Variants in UBE2D2 observed in about 807,000 individuals in gnomAD.
The protein encoded by UBE2D2 is ubiquitin-conjugating enzyme E2 D2.
Under a neutral mutation model 24.2 loss-of-function variants are expected in UBE2D2, and 2 were observed. The ratio of observed to expected loss-of-function variants is 0.08; its 90% CI spans 0.03 to 0.26. The LOEUF (loss-of-function observed/expected upper bound fraction) is 0.26. Among genes scored for constraint, UBE2D2 ranks in the 10% least tolerant of loss-of-function variants. The probability of loss-of-function intolerance (pLI) is 1.00; values close to 1 mark genes in which losing one functional copy is unlikely to be tolerated. For synonymous variants in UBE2D2, 58 were observed against 56.5 expected (o/e 1.03, Z -0.12); for missense variants, 44 against 177.6 (o/e 0.25, Z 4.28).
At chr5:139,613,929 G>T (rs1754374285) in intron 2 of UBE2D2, among the ~76,000 whole-genome samples, 1 of 152,132 alleles carries the variant, frequency 6.6e-6, no homozygotes. Context: ...AGGTGTGGTG[G>T]CACTTGCCTG....
chr5:139,544,196 G>T (rs1752795751), intron 1 of UBE2D2, among the ~76,000 whole-genome samples: 1 of 147,578 alleles, frequency 6.8e-6, no homozygotes. Context: ...TAGAGATGAG[G>T]TCTTGAGACG....
chr5:139,602,878 A>G (rs547042181), intron 2 of UBE2D2, among the ~76,000 whole-genome samples: 1 of 152,320 alleles, frequency 6.6e-6, no homozygotes, highest in African/African-American at 2.4e-5. Flanking sequence ...GTGAGTAACT[A>G]TAGTATTTGG....
chr5:139,536,224 G>A (rs1408979521), intron 1 of UBE2D2, among the ~76,000 whole-genome samples: 3 of 146,996 alleles, frequency 2.0e-5, no homozygotes, highest in South Asian at 4.4e-4. Context: ...CTCAGCCTCC[G>A]GAGTAGCTGG....
At chr5:139,571,075 T>A (rs1233209684) in intron 1 of UBE2D2, among the ~76,000 whole-genome samples, 1 of 152,132 alleles carries the variant, frequency 6.6e-6, no homozygotes, top group Non-Finnish European at 1.5e-5. Context: ...AAAATATAAA[T>A]CTTACGTGTG....
intron 1 of UBE2D2, among the ~76,000 whole-genome samples, chr5:139,554,177 G>T (rs1216646382): frequency 6.6e-6 from 1 of 151,986 alleles, no homozygotes; most frequent in Non-Finnish European, 1.5e-5. Context: ...TTCCTTGATC[G>T]CATTTTTTTT....
chr5:139,546,340 C>T (rs546437849), intron 1 of UBE2D2, among the ~76,000 whole-genome samples: 1 of 152,080 alleles, frequency 6.6e-6, no homozygotes, highest in Admixed American at 6.5e-5. Context: ...CTGAGCCTGG[C>T]TGCCTGGCTA....
intron 2 of UBE2D2, among the ~76,000 whole-genome samples, chr5:139,613,989 G>C (rs999281846): frequency 6.6e-6 from 1 of 151,898 alleles, no homozygotes; most frequent in Non-Finnish European, 1.5e-5. Flanking sequence ...TTGAACCCGG[G>C]AGGCGGGGGT....
intron 1 of UBE2D2, among the ~76,000 whole-genome samples, chr5:139,587,970 C>G (rs1269012894): frequency 2.6e-5 from 4 of 152,132 alleles, no homozygotes; most frequent in African/African-American, 4.8e-5. Flanking sequence ...TGGACGCGGT[C>G]ACCTTCCCAG....
In UBE2D2 at chr5:139,583,086, C is replaced by T. The variant is rs1315143530; in HGVS notation, c.25-17286C>T. 7.9e-5 allele frequency among the ~76,000 whole-genome samples: 12 copies of T among 151,892 alleles called. No homozygotes were observed. The East Asian group carries it at 9.7e-4, about 12-fold the overall frequency. ...GCCTCTTGGGTTCCAGTGATTCTCC[C>T]GCTTCAGCCTCCCTAGTAGCTGGGA... On this transcript the variant is annotated intron_variant, in intron 1 of 6. Transcript: ENST00000398733.
intron 2 of UBE2D2, 42 bp downstream of exon 2, chr5:139,600,477 G>A: frequency 6.3e-7 from 1 of 1,599,924 alleles, no homozygotes; most frequent in Middle Eastern, 1.7e-4. Context: ...GCATAACAGT[G>A]GTTATTTTGT....
chr5:139,601,300 T>G (rs981658951), intron 2 of UBE2D2, among the ~76,000 whole-genome samples: 1 of 152,140 alleles, frequency 6.6e-6, no homozygotes, highest in African/African-American at 2.4e-5. Flanking sequence ...GTAAAACTAA[T>G]TCACAAAAAA....
intron 1 of UBE2D2, among the ~76,000 whole-genome samples, chr5:139,586,586 A>T (rs1279723380): frequency 6.6e-6 from 1 of 152,180 alleles, no homozygotes; most frequent in Non-Finnish European, 1.5e-5. Context: ...TAACATAGTG[A>T]AACCCTGTCT....
chr5:139,593,660 T>G (rs1372482971), intron 1 of UBE2D2, among the ~76,000 whole-genome samples: 1 of 152,108 alleles, frequency 6.6e-6, no homozygotes, highest in Non-Finnish European at 1.5e-5. Context: ...CTTTGTTACC[T>G]AGGCTGGGGT....
At chr5:139,526,268 C>A (rs1172707864), upstream of UBE2D2, among the ~76,000 whole-genome samples, 1 of 152,194 alleles carries the variant, frequency 6.6e-6, no homozygotes, top group Non-Finnish European at 1.5e-5. Context: ...AGTAGCTTGC[C>A]GATGACCCCA....
chr5:139,600,318 G>A, intron 1 of UBE2D2, 54 bp from the exon 2 acceptor site: 3 of 1,568,442 alleles, frequency 1.9e-6, no homozygotes, highest in Non-Finnish European at 2.6e-6. Context: ...CTTTAGTAAT[G>A]GATAAAAGGT....
chr5:139,582,666 ATTTTTTTT>A (rs1195507116), intron 1 of UBE2D2, among the ~76,000 whole-genome samples: 27 of 112,328 alleles, frequency 2.4e-4, no homozygotes, highest in Non-Finnish European at 4.1e-4. Context: ...TTAGATTCGA[ATTTTTTTT>A]TTTTTTTTTT....
At chr5:139,605,492 T>C (rs1394796981) in intron 2 of UBE2D2, among the ~76,000 whole-genome samples, 1 of 144,658 alleles carries the variant, frequency 6.9e-6, no homozygotes, top group Non-Finnish European at 1.5e-5. Flanking sequence ...TTCAGGAGGC[T>C]GAGGCAGGAG....
At chr5:139,561,977 G>A (rs1753110651) in intron 1 of UBE2D2, 162 bp downstream of exon 1, 1 of 1,049,892 alleles carries the variant, frequency 9.5e-7, no homozygotes, top group Non-Finnish European at 1.3e-6. Flanking sequence ...TGGCGCCCGT[G>A]GAGGCCCCGG....
intron 1 of UBE2D2, among the ~76,000 whole-genome samples, chr5:139,580,436 C>T (rs58716700): frequency 8.5e-5 from 13 of 152,176 alleles, no homozygotes; most frequent in African/African-American, 2.4e-4. Flanking sequence ...GCTGGGACAG[C>T]GTAACAGAGT....
Sources: gnomAD v4.1 joint callset for allele counts (sites outside exome capture counted in the v4.1 genomes callset) on GRCh38, gnomAD v4.1.1 for gene constraint, MANE v1.5 for transcripts, NCBI Gene and HGNC (gene_info 2026-07-23, HGNC 2026-07-21) for gene names.